Variants in HPD observed in about 807,000 individuals in gnomAD.
The protein encoded by HPD is 4-hydroxyphenylpyruvic acid oxidase.
HPD carries 35 observed loss-of-function variants against 56.9 expected under a neutral mutation model. The ratio of observed to expected loss-of-function variants is 0.62; its 90% CI spans 0.47 to 0.82. The LOEUF (loss-of-function observed/expected upper bound fraction) is 0.82, where lower values mean the gene tolerates loss of function less well. Among genes scored for constraint, HPD ranks in the 40% least tolerant of loss-of-function variants. The probability of loss-of-function intolerance (pLI) is 0.00; values close to 1 mark genes in which losing one functional copy is unlikely to be tolerated. For missense variants in HPD, 442 were observed against 506.8 expected, an observed-to-expected ratio of 0.87 and a Z score of 1.23; for synonymous variants, 186 against 200.2, an observed-to-expected ratio of 0.93 and a Z score of 0.60.
the HPD span, among the ~76,000 whole-genome samples, chr12:121,878,354 TTTTG>T: frequency 2.6e-5 from 4 of 152,252 alleles, no homozygotes; most frequent in East Asian, 7.7e-4. Context: ...TTTTTGTTTG[TTTTG>T]TTTTTTTATT....
rs771447052 is a variant in HPD at position 121,839,923 on chromosome 12, A to T, written c.1071+9T>A. ...CTGTCCCCTCGGGCCTGCCGGGGAC[A>T]AGCAGTACCTGGTGGTTGTGGCGCT... On this transcript the variant is annotated intron_variant, in intron 13 of 13. Transcript: ENST00000289004. 1.2e-6 allele frequency: 2 copies of T among 1,612,056 alleles called. No individual in the cohort carries two copies. The highest frequency in any genetic ancestry group is 2.2e-5 in the South Asian group (2 of 91,042).
the HPD span, among the ~76,000 whole-genome samples, chr12:121,876,475 G>A: frequency 1.7e-4 from 26 of 152,100 alleles, no homozygotes; most frequent in Admixed American, 1.7e-3. Context: ...AGCTGATACG[G>A]GATCAAGGCC....
intron 5 of HPD, 24 bp from the exon 6 acceptor site, chr12:121,856,430 G>C: frequency 6.2e-7 from 1 of 1,610,406 alleles, no homozygotes; most frequent in Non-Finnish European, 8.5e-7. Context: ...GGAGAGGATG[G>C]CACTGGAGTC....
the HPD span, among the ~76,000 whole-genome samples, chr12:121,872,379 C>A: frequency 7.3e-5 from 11 of 151,624 alleles, no homozygotes; most frequent in African/African-American, 2.4e-5. Context: ...AGGAGCCCGC[C>A]ACCAGGACCA....
chr12:121,882,006 T>A, the HPD span, among the ~76,000 whole-genome samples: 1 of 151,566 alleles, frequency 6.6e-6, no homozygotes, highest in Non-Finnish European at 1.5e-5. Flanking sequence ...GGTCTTGAAC[T>A]CCTGACCTCA....
chr12:121,864,191 C>T (rs146005236), upstream of HPD, among the ~76,000 whole-genome samples: 415 of 151,382 alleles, frequency 2.7e-3, 2 homozygotes, highest in African/African-American at 9.6e-3. Flanking sequence ...GTTCATTGAG[C>T]TGAGATCGTG....
At chr12:121,866,903 C>G (rs1054615068), upstream of HPD, among the ~76,000 whole-genome samples, 2 of 152,108 alleles carry the variant, frequency 1.3e-5, no homozygotes, top group African/African-American at 4.8e-5. Flanking sequence ...CAAATCCACC[C>G]TCGCTGTGCA....
the HPD span, among the ~76,000 whole-genome samples, chr12:121,884,605 ATCTC>A: frequency 2.0e-5 from 3 of 150,972 alleles, no homozygotes; most frequent in African/African-American, 2.4e-5. Flanking sequence ...CTGCACCTGT[ATCTC>A]TCTCTCTCTC....
At position 121,857,466 on chromosome 12, in the gene HPD, G is replaced by T. The variant is rs773262586; in HGVS notation, c.94-34C>A. ...CAGGGTTGCAGCAGGGTTCATGAGG[G>T]TCAAGGGGCCAGCATGGGGGACTTC... is the stretch of plus-strand genomic sequence containing the variant. On this transcript the variant is annotated intron_variant, in intron 3 of 13. Coordinates refer to ENST00000289004, the MANE Select transcript of HPD (RefSeq NM_002150.3). 1.1e-5 allele frequency: 17 copies of T among 1,489,002 alleles called. No individual in the cohort carries two copies. The Admixed American group carries it at 2.7e-4, about 23-fold the overall frequency. 92.2% of individuals were successfully genotyped at this position (1,489,002 alleles called of 1,614,324 possible).
intron 7 of HPD, 49 bp from the exon 8 acceptor site, chr12:121,849,839 C>T (rs1043317988): frequency 1.4e-5 from 18 of 1,248,386 alleles, no homozygotes; most frequent in East Asian, 4.7e-5. Flanking sequence ...CCATCCCCGC[C>T]GAGGACAGAG....
In HPD at chr12:121,849,702, G is replaced by T. The variant is rs1287450385; in HGVS notation, c.503C>A (p.Pro168His). The stretch of plus-strand genomic sequence containing the variant: ...GGACACTCACAGTTTAGGAAGTAGG[G>T]GGTCCATGAACGCTGGGGCCTCATA... ...PGYEAPAFMD[P>H]LLPKLPKCSL... The change falls in exon 8 of 14, where the codon CCC becomes CAC. Residue 168 changes from proline to histidine, a missense_variant. Transcript: ENST00000289004. 1.2e-6 allele frequency: 2 copies of T among 1,611,880 alleles called. No homozygotes were observed. The highest frequency in any genetic ancestry group is 1.3e-5 in the African/African-American group (1 of 74,986).
At chr12:121,864,628 C>T (rs990735371), upstream of HPD, among the ~76,000 whole-genome samples, 15 of 149,494 alleles carry the variant, frequency 1.0e-4, no homozygotes, top group Admixed American at 2.7e-4. Flanking sequence ...CCAAGGCAGA[C>T]GGATCACGAG....
chr12:121,867,222 C>T (rs939508071), upstream of HPD, among the ~76,000 whole-genome samples: 2 of 151,904 alleles, frequency 1.3e-5, no homozygotes, highest in Non-Finnish European at 2.9e-5. Flanking sequence ...TATGGTGGCA[C>T]GCATCTGTAG....
the HPD span, among the ~76,000 whole-genome samples, chr12:121,881,862 G>A: frequency 7.7e-6 from 1 of 129,610 alleles, no homozygotes; most frequent in Non-Finnish European, 1.8e-5. Context: ...TGGCCAGGAT[G>A]GTCTTGATCT....
intron 3 of HPD, 130 bp from the exon 4 acceptor site, chr12:121,857,562 G>T: frequency 1.2e-6 from 1 of 847,670 alleles, no homozygotes. Context: ...CTCCTGGGAA[G>T]ATAGACTGCT....
rs1346035304 is a variant in HPD, at chr12:121,849,754, T to C, written c.451A>G (p.Asn151Asp). The change falls in exon 8 of 14, where the codon AAC (asparagine) becomes GAC (aspartate). Residue 151 changes from asparagine (N) to aspartate (D), a missense_variant. Coordinates refer to ENST00000289004, the MANE Select transcript of HPD (RefSeq NM_002150.3). ...DTTHTLVEKM[N>D]YIGQFLPGYE... ...CCAGGCAAGAATTGGCCGATGTAGT[T>C]CATCTTCTCCACCAGGGTGTGTGTG... 41 of 1,613,842 alleles carry C rather than the reference T, an allele frequency of 2.5e-5. No individual in the cohort carries two copies. Among genetic ancestry groups the C allele is most frequent in the Non-Finnish European group, 3.3e-5 (39 of 1,179,932 alleles).
chr12:121,854,875 T>C lies in HPD; in HGVS notation c.325-83A>G, dbSNP rs559318222. ...CCTGCTGCTCCTGCCTGGTGGCCTC[T>C]GCGTGGTCCTGCAGGCCCCTCCAGT... On this transcript the variant is annotated intron_variant, in intron 6 of 13. Coordinates refer to ENST00000289004, the MANE Select transcript of HPD (RefSeq NM_002150.3). 1.3e-4 allele frequency: 136 copies of C among 1,051,978 alleles called. No homozygotes were observed. The African/African-American group carries it at 1.8e-3, about 14-fold the overall frequency. The allele number at this position is 1,051,978 out of a possible 1,614,324, so 65.2% of individuals were successfully genotyped here. A position where few individuals can be genotyped will look rare whatever the true frequency, so the allele number is the denominator to read the frequency against.
chr12:121,854,438 C>G (rs1331175849), intron 7 of HPD, among the ~76,000 whole-genome samples: 2 of 152,128 alleles, frequency 1.3e-5, no homozygotes, highest in Non-Finnish European at 2.9e-5. Flanking sequence ...TCCCCAGACC[C>G]CATCCTTCTC....
intron 9 of HPD, 24 bp from the exon 10 acceptor site, chr12:121,847,238 A>T (rs752358468): frequency 6.2e-7 from 1 of 1,613,212 alleles, no homozygotes; most frequent in African/African-American, 1.3e-5. Flanking sequence ...GGTGGAACAC[A>T]TATGCTCTGA....
Sources: allele counts gnomAD v4.1 joint callset (sites outside exome capture counted in the v4.1 genomes callset), GRCh38; gene constraint gnomAD v4.1.1; transcripts MANE v1.5; gene names NCBI Gene and HGNC (gene_info 2026-07-23, HGNC 2026-07-21).